PDE1C: variants seen among roughly 807,000 people sequenced by gnomAD.
PDE1C encodes phosphodiesterase 1C, also known as dual specificity calcium/calmodulin-dependent 3',5'-cyclic nucleotide phosphodiesterase 1C.
A neutral mutation model predicts 93.1 loss-of-function variants in PDE1C; 62 were observed. That is an observed-to-expected ratio of 0.67 (90% confidence interval 0.54 to 0.82). The LOEUF is 0.82. Among genes scored for constraint, PDE1C ranks in the 40% least tolerant of loss-of-function variants. The probability of loss-of-function intolerance (pLI) is 0.00; values close to 1 mark genes in which losing one functional copy is unlikely to be tolerated. For synonymous variants in PDE1C, 325 were observed against 310.1 expected, an observed-to-expected ratio of 1.05 and a Z score of -0.50; for missense variants, 742 against 884.6, an observed-to-expected ratio of 0.84 and a Z score of 2.04.
chr7:31,983,029 G>A (rs764678066), intron 2 of PDE1C, among the ~76,000 whole-genome samples: 23 of 152,262 alleles, frequency 1.5e-4, no homozygotes, highest in African/African-American at 4.8e-4. Context: ...ACTTAAAATC[G>A]TTAGGGAAAT....
intron 2 of PDE1C, among the ~76,000 whole-genome samples, chr7:32,184,704 A>T (rs1584922548): frequency 6.6e-6 from 1 of 152,224 alleles, no homozygotes; most frequent in Non-Finnish European, 1.5e-5. Context: ...TGTTAAATGA[A>T]GAGTTAATGG....
At chr7:31,671,946 T>C in the PDE1C span, among the ~76,000 whole-genome samples, 1 of 152,242 alleles carries the variant, frequency 6.6e-6, no homozygotes, top group Admixed American at 6.5e-5. Flanking sequence ...ACTTGTGTGA[T>C]GGAAATGTCC....
intron 2 of PDE1C, among the ~76,000 whole-genome samples, chr7:31,920,967 T>C (rs886515400): frequency 3.3e-5 from 5 of 152,220 alleles, no homozygotes; most frequent in African/African-American, 1.2e-4. Flanking sequence ...TGTATATCCA[T>C]GACTGAGTTT....
chr7:32,379,973 T>A (rs955336141), intron 1 of PDE1C, among the ~76,000 whole-genome samples: 7 of 152,318 alleles, frequency 4.6e-5, no homozygotes, highest in Non-Finnish European at 1.0e-4. Flanking sequence ...CACAGCTCCA[T>A]CCCCTTTTGC....
chr7:32,064,750 A>G (rs1795185290), intron 1 of PDE1C, among the ~76,000 whole-genome samples: 1 of 152,182 alleles, frequency 6.6e-6, no homozygotes, highest in Admixed American at 6.5e-5. Context: ...TTTTTGTTGT[A>G]TAGTAAAATG....
intron 2 of PDE1C, among the ~76,000 whole-genome samples, chr7:31,947,721 T>C (rs1334711910): frequency 1.3e-5 from 2 of 152,208 alleles, no homozygotes; most frequent in Non-Finnish European, 2.9e-5. Context: ...CAGCAGTCAC[T>C]CAAAATATTG....
intron 2 of PDE1C, among the ~76,000 whole-genome samples, chr7:32,043,364 A>C (rs1792103885): frequency 6.6e-6 from 1 of 152,198 alleles, no homozygotes; most frequent in Non-Finnish European, 1.5e-5. Flanking sequence ...AGGTTTGGGA[A>C]GGATTTAGAG....
At chr7:32,029,350 T>A (rs956159668) in intron 2 of PDE1C, among the ~76,000 whole-genome samples, 1 of 152,166 alleles carries the variant, frequency 6.6e-6, no homozygotes, top group African/African-American at 2.4e-5. Flanking sequence ...CTAGTATTTA[T>A]CCAAAGGATT....
chr7:31,860,677 C>T (rs968373842), intron 7 of PDE1C, among the ~76,000 whole-genome samples: 11 of 152,068 alleles, frequency 7.2e-5, no homozygotes, highest in Admixed American at 6.6e-4. Flanking sequence ...GTTTATGATG[C>T]TTTTTATCCT....
intron 3 of PDE1C, among the ~76,000 whole-genome samples, chr7:32,161,743 G>A (rs775427495): frequency 1.1e-4 from 16 of 152,174 alleles, no homozygotes; most frequent in Middle Eastern, 3.2e-3. Context: ...GGTGAGTTAG[G>A]TGGAAGCTCC....
chr7:31,924,915 T>C (rs1021622884), intron 2 of PDE1C, among the ~76,000 whole-genome samples: 1 of 152,236 alleles, frequency 6.6e-6, no homozygotes, highest in Non-Finnish European at 1.5e-5. Context: ...TTAATTCAGG[T>C]ATCAATGTAT....
At chr7:32,113,390 G>A (rs1426612722) in intron 3 of PDE1C, among the ~76,000 whole-genome samples, 1 of 149,186 alleles carries the variant, frequency 6.7e-6, no homozygotes, top group East Asian at 2.0e-4. Context: ...CTGTCTACAT[G>A]TGAATCCATG....
rs138519118 is a variant in PDE1C at position 32,174,440 on chromosome 7, C to T, written c.137-4484G>A. Among the ~76,000 whole-genome samples the T allele has an allele frequency of 2.7e-3, 407 of 151,968 alleles. 2 individuals are homozygous for T. The highest frequency in any genetic ancestry group is 8.7e-3 in the African/African-American group (361 of 41,440). ...AGAGGAGAGCTCACCCACTCTGCCT[C>T]GGGACCCTGGGGAAAACCACAGAGA... On this transcript the variant is annotated intron_variant, in intron 2 of 18. Transcript: ENST00000396193.
At chr7:31,755,167 C>G (rs10239685) in intron 17 of PDE1C, among the ~76,000 whole-genome samples, 1 of 152,014 alleles carries the variant, frequency 6.6e-6, no homozygotes, top group African/African-American at 2.4e-5. Flanking sequence ...TCAACAATTA[C>G]GTAAACAGAG....
intron 2 of PDE1C, among the ~76,000 whole-genome samples, chr7:31,904,942 T>A (rs966482892): frequency 2.8e-4 from 43 of 152,154 alleles, no homozygotes; most frequent in African/African-American, 1.0e-3. Flanking sequence ...TAGATTTTTT[T>A]AATTTTTACA....
chr7:32,245,464 C>T (rs536823217), intron 1 of PDE1C, among the ~76,000 whole-genome samples: 6 of 152,322 alleles, frequency 3.9e-5, no homozygotes, highest in Admixed American at 3.9e-4. Context: ...ATGCCATTTT[C>T]TGTCCCTTCT....
rs549813120 is a variant in PDE1C at position 32,346,746 on chromosome 7, G to A, written c.310+81076C>T. Among the ~76,000 whole-genome samples the A allele has an allele frequency of 6.6e-4, 100 of 152,294 alleles. 2 individuals carry two copies. The highest frequency in any genetic ancestry group is 2.2e-3 in the African/African-American group (91 of 41,552). The stretch of plus-strand genomic sequence containing the variant: ...TAAATCCTGAATAAAACACCATGCA[G>A]TAACAAAGAGGAACAAACTAATGAT... On this transcript the variant is annotated intron_variant, in intron 1 of 1. Coordinates refer to the PDE1C transcript ENST00000672256.
chr7:32,287,076 G>A (rs1439125444), intron 1 of PDE1C, among the ~76,000 whole-genome samples: 1 of 152,192 alleles, frequency 6.6e-6, no homozygotes, highest in East Asian at 1.9e-4. Flanking sequence ...GAAATGGCTA[G>A]TTATTATTAA....
At chr7:32,344,623 T>A (rs1783817338) in intron 1 of PDE1C, among the ~76,000 whole-genome samples, 1 of 151,992 alleles carries the variant, frequency 6.6e-6, no homozygotes, top group African/African-American at 2.4e-5. Flanking sequence ...TCTCAGTGAG[T>A]TTTCTGGACC....
Sources: allele counts gnomAD v4.1 joint callset (sites outside exome capture counted in the v4.1 genomes callset), GRCh38; gene constraint gnomAD v4.1.1; transcripts MANE v1.5; gene names NCBI Gene and HGNC (gene_info 2026-07-23, HGNC 2026-07-21).